SCN11A: variants seen among roughly 807,000 people sequenced by gnomAD.
SCN11A encodes the protein sodium voltage-gated channel alpha subunit 11, also known as sodium channel protein type 11 subunit alpha.
Under a neutral mutation model 162.2 loss-of-function variants are expected in SCN11A, and 122 were observed. That is an observed-to-expected ratio of 0.75 (90% CI 0.65 to 0.87). SCN11A has a LOEUF of 0.87. SCN11A is among the 40% of genes least tolerant of loss of function. The probability of loss-of-function intolerance (pLI) is 0.00; values close to 1 mark genes in which losing one functional copy is unlikely to be tolerated. For missense variants in SCN11A, 2,015 were observed against 2,181.6 expected, an observed-to-expected ratio of 0.92 and a Z score of 1.52; for synonymous variants, 758 against 751.5, an observed-to-expected ratio of 1.01 and a Z score of -0.14.
At chr3:38,947,293 G>A (rs1158924902) in intron 5 of SCN11A, among the ~76,000 whole-genome samples, 2 of 152,158 alleles carry the variant, frequency 1.3e-5, no homozygotes, top group Non-Finnish European at 2.9e-5. Context: ...TAGAATAAGT[G>A]ACCTAAAGGG....
chr3:38,906,586 C>A (rs1363489127), intron 14 of SCN11A, among the ~76,000 whole-genome samples: 7 of 152,084 alleles, frequency 4.6e-5, no homozygotes, highest in Non-Finnish European at 4.4e-5. Context: ...TTATCTTCTC[C>A]AGATCACGGT....
At chr3:39,013,088 C>T (rs2031191451) in intron 2 of SCN11A, among the ~76,000 whole-genome samples, 1 of 152,064 alleles carries the variant, frequency 6.6e-6, no homozygotes, top group South Asian at 2.1e-4. Context: ...AAATAAATAC[C>T]AGGTGACAGT....
At chr3:38,950,529 G>A (rs183726681) in intron 4 of SCN11A, 160 bp from the exon 5 acceptor site, 7 of 679,712 alleles carry the variant, frequency 1.0e-5, no homozygotes, top group Admixed American at 8.6e-5. Context: ...GTGAAGATCA[G>A]AAGAGATGAC....
intron 7 of SCN11A, among the ~76,000 whole-genome samples, chr3:38,937,709 T>A (rs1031981865): frequency 1.2e-4 from 18 of 152,108 alleles, no homozygotes; most frequent in Admixed American, 9.8e-4. Flanking sequence ...CAATCATTAA[T>A]AAGTCAGGAA....
chr3:38,912,093 A>G (rs932937836), intron 11 of SCN11A, among the ~76,000 whole-genome samples: 2 of 152,186 alleles, frequency 1.3e-5, no homozygotes, highest in Non-Finnish European at 2.9e-5. Flanking sequence ...GAGGGCATCC[A>G]TTGTGCCCTC....
chr3:38,887,502 C>G (rs4130675), intron 19 of SCN11A, among the ~76,000 whole-genome samples: 92,639 of 150,630 alleles, frequency 0.62, 29,809 homozygotes, highest in African/African-American at 0.83. Context: ...CGAGTTAATG[C>G]GTGCAGCACA....
chr3:38,925,760 T>C (rs1448824739), intron 8 of SCN11A, among the ~76,000 whole-genome samples: 1 of 152,268 alleles, frequency 6.6e-6, no homozygotes, highest in Admixed American at 6.5e-5. Context: ...TTGAAATAGT[T>C]CATGTAGTTG....
chr3:38,950,105 T>A lies in SCN11A; in HGVS notation c.258A>T (p.Arg86=). 9.3e-7 allele frequency: 1 copy of A among 1,070,058 alleles called. No individual in the cohort carries two copies. The highest frequency in any genetic ancestry group is 1.3e-6 in the Non-Finnish European group (1 of 783,714). 66.3% of individuals were successfully genotyped at this position (1,070,058 alleles called of 1,614,324 possible). A position where few individuals can be genotyped will look rare whatever the true frequency, so the allele number is the denominator to read the frequency against. ...CCGCCCAATGAAGTACCTTATGATT[T>A]CGGTAGAATGGGTCCAAGTCTTCCA... ...KPLEDLDPFY[R]NHKTFMVLNR... is the part of the protein sequence containing the mutation. The change falls in exon 5 of 30, where the codon CGA becomes CGT. Residue 86 remains arginine (R), a synonymous_variant. Transcript: ENST00000302328.
rs1553643856 is a variant in SCN11A, at chr3:38,945,410, C to T, written c.488+1G>A. The T allele has an allele frequency of 1.9e-6, 3 of 1,603,460 alleles. No individual in the cohort carries two copies. The highest frequency in any genetic ancestry group is 8.5e-7 in the Non-Finnish European group (1 of 1,171,246). On this transcript the variant is annotated splice_donor_variant, in intron 7 of 29. Transcript: ENST00000302328. LOFTEE classifies it high-confidence loss of function. ...CAGGTGAGTGAAGGAAAAATACTTA[C>T]TCTGCAATGTCAGTATTGTTACTGT...
intron 2 of SCN11A, among the ~76,000 whole-genome samples, chr3:38,978,762 T>G (rs1251910787): frequency 6.6e-6 from 1 of 152,212 alleles, no homozygotes; most frequent in Non-Finnish European, 1.5e-5. Flanking sequence ...AGCTCCCTAA[T>G]GTGGTTTGTG....
chr3:38,889,850 A>T, intron 19 of SCN11A, among the ~76,000 whole-genome samples: 1 of 118,924 alleles, frequency 8.4e-6, no homozygotes, highest in East Asian at 2.5e-4. Context: ...AATAAAATAA[A>T]ATAAAATAAA....
intron 3 of SCN11A, among the ~76,000 whole-genome samples, chr3:38,955,094 GCCTGGC>G (rs2066665882): frequency 6.6e-6 from 1 of 152,218 alleles, no homozygotes; most frequent in Non-Finnish European, 1.5e-5. Context: ...TTTGAGACCA[GCCTGGC>G]CAACATGGTG....
intron 28 of SCN11A, among the ~76,000 whole-genome samples, chr3:38,852,306 C>T (rs1405860079): frequency 6.6e-6 from 1 of 151,972 alleles, no homozygotes; most frequent in Non-Finnish European, 1.5e-5. Context: ...AAGTGCCTTT[C>T]CTATTTAAGC....
intron 10 of SCN11A, 116 bp downstream of exon 10, chr3:38,920,960 A>AGTC (rs775231688): frequency 1.1e-6 from 1 of 929,050 alleles, no homozygotes; most frequent in Non-Finnish European, 1.7e-6. Flanking sequence ...GGATGGATGA[A>AGTC]GTCCTCCCTT....
chr3:38,907,608 T>C (rs73828706), intron 14 of SCN11A, among the ~76,000 whole-genome samples: 2,392 of 152,160 alleles, frequency 0.016, 66 homozygotes, highest in African/African-American at 0.055. Context: ...GTTCCTCCTC[T>C]GTTCTCCCAC....
chr3:39,003,479 C>A (rs113800084), intron 2 of SCN11A, among the ~76,000 whole-genome samples: 8,564 of 152,244 alleles, frequency 0.056, 839 homozygotes, highest in African/African-American at 0.2. Context: ...GTGAACAGTG[C>A]TGCAATGAAC....
intron 2 of SCN11A, among the ~76,000 whole-genome samples, chr3:38,965,346 C>A (rs572228370): frequency 6.6e-6 from 1 of 152,300 alleles, no homozygotes; most frequent in Non-Finnish European, 1.5e-5. Context: ...TATGTCTGGT[C>A]CTGGGAAGGA....
At chr3:38,895,451 C>T (rs2065580585) in intron 18 of SCN11A, among the ~76,000 whole-genome samples, 1 of 152,212 alleles carries the variant, frequency 6.6e-6, no homozygotes, top group South Asian at 2.1e-4. Flanking sequence ...TAGTAACGTA[C>T]TGGGGCCAAG....
rs2064672608 is a variant in SCN11A, at chr3:38,846,818, A to G, written c.5252T>C (p.Val1751Ala). Reference sequence around the variant, plus strand: ...TTGGTCACCTTGGTCACCCTTGGTCACCTTCATCATGTACTTTCGAAAGGC... The same window carrying G: ...TTGGTCACCTTGGTCACCCTTGGTCGCCTTCATCATGTACTTTCGAAAGGC... ...QKAFRKYMMK[V>A]TKGDQGDQND... The change falls in exon 30 of 30, where the codon GTG becomes GCG. Residue 1751 changes from valine to alanine, a missense_variant. Coordinates refer to ENST00000302328, the MANE Select transcript of SCN11A (RefSeq NM_001349253.2). 6.2e-7 allele frequency: 1 copy of G among 1,613,724 alleles called. No individual in the cohort carries two copies. The highest frequency in any genetic ancestry group is 8.5e-7 in the Non-Finnish European group (1 of 1,179,964).
Sources: allele counts gnomAD v4.1 joint callset (sites outside exome capture counted in the v4.1 genomes callset), GRCh38; gene constraint gnomAD v4.1.1; transcripts MANE v1.5; gene names NCBI Gene and HGNC (gene_info 2026-07-23, HGNC 2026-07-21).